Variants in NOXA1 observed in about 807,000 individuals in gnomAD.
The protein encoded by NOXA1 is NADPH oxidase activator 1, also known as NCF2-like protein.
A neutral mutation model predicts 64.8 loss-of-function variants in NOXA1; 56 were observed. The ratio of observed to expected loss-of-function variants is 0.86; its 90% CI spans 0.70 to 1.08. The LOEUF (loss-of-function observed/expected upper bound fraction) is 1.08, where lower values mean the gene tolerates loss of function less well. Among genes scored for constraint, NOXA1 ranks in the 50% least tolerant of loss-of-function variants. The pLI, the probability that NOXA1 is intolerant of heterozygous loss-of-function variation, is 0.00. For missense variants in NOXA1, 668 were observed against 658.5 expected (o/e 1.01, Z -0.16); for synonymous variants, 295 against 294.8 (o/e 1.00, Z -0.01).
rs560999512 is a variant in NOXA1 at position 137,431,130 on chromosome 9, G to A, written c.698+30G>A. On this transcript the variant is annotated intron_variant, in intron 7 of 13. Transcript: ENST00000683555. This position sits in a 1 kb window ranked among gnomAD's most constrained non-coding sequence, Gnocchi z 5.6. ...GAGGGGCTGACTGGGCCCTGCGAGC[G>A]CGTGCCTTTCCTGCTGGGCAGAGGC... is the stretch of plus-strand genomic sequence containing the variant. 3.7e-5 allele frequency: 59 copies of A among 1,612,860 alleles called. No homozygotes were observed. The highest frequency in any genetic ancestry group is 4.7e-5 in the Non-Finnish European group (55 of 1,179,852).
intron 1 of NOXA1, among the ~76,000 whole-genome samples, chr9:137,424,134 GGTGCCCTTCTC>G (rs1050010877): frequency 8.5e-5 from 13 of 152,144 alleles, no homozygotes. Context: ...CACGGAGCCC[GGTGCCCTTCTC>G]GTGCCCCCTC....
At position 137,433,743 on chromosome 9, in the gene NOXA1, T is replaced by C. The variant is rs1386127465; in HGVS notation, c.1065-7T>C. On this transcript the variant is annotated splice_region_variant and splice_polypyrimidine_tract_variant and intron_variant, in intron 11 of 13. Coordinates refer to ENST00000683555, the MANE Select transcript of NOXA1 (RefSeq NM_001256067.2). The stretch of plus-strand genomic sequence containing the variant: ...CAGGAGGCCCCCTCTGAGGAATCTC[T>C]TTGCAGTTACCTAGCCCCAGGTGAG... 1 of 1,461,334 alleles carries C rather than the reference T, an allele frequency of 6.8e-7. No individual in the cohort carries two copies. The highest frequency in any genetic ancestry group is 2.6e-5 in the Admixed American group (1 of 38,246). The allele number at this position is 1,461,334 out of a possible 1,614,324, so 90.5% of individuals were successfully genotyped here. A position where few individuals can be genotyped will look rare whatever the true frequency, so the allele number is the denominator to read the frequency against.
Position 137,429,024 on chromosome 9 carries a change from G to A in NOXA1, c.504+8G>A. 1 of 1,540,316 alleles carries A rather than the reference G, an allele frequency of 6.5e-7. No homozygotes were observed. The highest frequency in any genetic ancestry group is 1.2e-5 in the South Asian group (1 of 80,626). ...GCCCTGGACCAAGTGCAGGTGAGGA[G>A]TGCCAGCCCGGTCATGGTTTTGGGC... On this transcript the variant is annotated splice_region_variant and intron_variant, in intron 4 of 13. Transcript: ENST00000683555.
chr9:137,427,995 C>G (rs1838911016), intron 2 of NOXA1, 38 bp from the exon 3 acceptor site: 3 of 1,423,172 alleles, frequency 2.1e-6, no homozygotes, highest in Admixed American at 2.0e-5. Context: ...AGCCCCATCT[C>G]CGCCCTGTGC....
rs373942305 is a variant in NOXA1, at chr9:137,433,107, T to C, written c.850+33T>C. ...CGTCCTCAGCGGCGGGGTCCCCGGG[T>C]GAAGGAGGAAGCTGCTGGTGCATGG... On this transcript the variant is annotated intron_variant, in intron 9 of 13. Coordinates refer to ENST00000683555, the MANE Select transcript of NOXA1 (RefSeq NM_001256067.2). The C allele has an allele frequency of 2.1e-4, 343 of 1,611,830 alleles. 1 individual carries two copies. The highest frequency in any genetic ancestry group is 1.8e-3 in the Middle Eastern group (11 of 5,950).
intron 4 of NOXA1, 28 bp downstream of exon 4, chr9:137,429,044 T>G: frequency 2.6e-6 from 4 of 1,512,634 alleles, no homozygotes; most frequent in Non-Finnish European, 3.5e-6. Flanking sequence ...GGTCATGGTT[T>G]TGGGCTGGTG....
intron 3 of NOXA1, 67 bp from the exon 4 acceptor site, chr9:137,428,815 T>C: frequency 8.3e-7 from 1 of 1,207,298 alleles, no homozygotes; most frequent in Non-Finnish European, 1.0e-6. Context: ...AGGAGCTGGG[T>C]GGGGGAACCG....
At chr9:137,430,874 G>T in intron 6 of NOXA1, 31 bp downstream of exon 6, 1 of 1,561,660 alleles carries the variant, frequency 6.4e-7, no homozygotes. Flanking sequence ...ACCCCTGCCT[G>T]GCCTCACCCA....
rs1839226282 is a variant in NOXA1, at chr9:137,433,698, C to T, written c.1065-52C>T. The T allele has an allele frequency of 1.0e-5, 15 of 1,492,256 alleles. No individual in the cohort carries two copies. In the South Asian group the frequency reaches 1.6e-4, roughly 15 times the overall value. 92.4% of individuals were successfully genotyped at this position (1,492,256 alleles called of 1,614,324 possible). ...GAAGAGGGGGTGGCAGAGGTCACTG[C>T]CCTCCCTGCAGGCCCCACCCAGGAG... On this transcript the variant is annotated intron_variant, in intron 11 of 13. Coordinates refer to ENST00000683555, the MANE Select transcript of NOXA1 (RefSeq NM_001256067.2).
At chr9:137,424,808 A>G (rs566780677) in intron 1 of NOXA1, among the ~76,000 whole-genome samples, 3 of 152,352 alleles carry the variant, frequency 2.0e-5, no homozygotes, top group Non-Finnish European at 4.4e-5. Flanking sequence ...TGGTTCAGCA[A>G]CAAATCCTAT....
At position 137,431,299 on chromosome 9, in the gene NOXA1, G is replaced by A; in HGVS notation, c.762G>A (p.Glu254=). 6.2e-7 allele frequency: 1 copy of A among 1,612,138 alleles called. No individual in the cohort carries two copies. Among genetic ancestry groups the A allele is most frequent in the Non-Finnish European group, 8.5e-7 (1 of 1,179,952 alleles). ...AGGGCCCCCTCGATGCAGAGACAGA[G>A]GTCGGTGCTGACCGCTGCACGTCGA... ...THQGPLDAET[E]VGADRCTSTA... Residue 254 remains glutamate, a synonymous_variant, in exon 8 of 14, where the codon GAG becomes GAA. Transcript: ENST00000683555. The surrounding 1 kb of genome is among the most constrained non-coding windows in gnomAD (Gnocchi z 5.6).
intron 1 of NOXA1, among the ~76,000 whole-genome samples, chr9:137,425,871 CAA>C (rs577104589): frequency 1.7e-4 from 18 of 108,230 alleles, no homozygotes; most frequent in Admixed American, 1.9e-4. Flanking sequence ...GACCCCGTCT[CAA>C]AAAAAAAAAA....
rs547322075 is a variant in NOXA1 at position 137,427,944 on chromosome 9, G to C, written c.261-89G>C. Reference sequence around the variant, plus strand: ...AGGTCTCCTTGGAACCAGGTGTTGGGGGCGGCTCGAGCGGGGCTGGTGTGA... The same window carrying C: ...AGGTCTCCTTGGAACCAGGTGTTGGCGGCGGCTCGAGCGGGGCTGGTGTGA... On this transcript the variant is annotated intron_variant, in intron 2 of 13. Transcript: ENST00000683555. The C allele has an allele frequency of 8.6e-5, 72 of 839,910 alleles. 1 individual carries two copies. In the South Asian group the frequency reaches 1.1e-3, roughly 12 times the overall value. 52.0% of individuals were successfully genotyped at this position (839,910 alleles called of 1,614,324 possible). A position where few individuals can be genotyped will look rare whatever the true frequency, so the allele number is the denominator to read the frequency against.
In NOXA1 at chr9:137,431,466, G is replaced by A. The variant is rs560523980; in HGVS notation, c.804+125G>A. ...AGCTCGCTGGGGGGTAGACGGGGCC[G>A]GGCTCACCCGTGGTCCTGGCCCAGC... On this transcript the variant is annotated intron_variant, in intron 8 of 13. Coordinates refer to ENST00000683555, the MANE Select transcript of NOXA1 (RefSeq NM_001256067.2). This position sits in a 1 kb window ranked among gnomAD's most constrained non-coding sequence, Gnocchi z 5.6. The A allele has an allele frequency of 4.0e-5, 32 of 790,972 alleles. 1 individual carries two copies. The highest frequency in any genetic ancestry group is 3.6e-4 in the South Asian group (22 of 61,096). The allele number at this position is 790,972 out of a possible 1,614,324, so 49.0% of individuals were successfully genotyped here.
rs1376907194 is a variant in NOXA1, at chr9:137,433,958, G to C, written c.1180-7G>C. ...GGCCCGACCTGCAGCCCACTCTCCTGCCTCAGGGAGCCGGGGGTCGGCCGG... is the reference window on the plus strand; with the variant it reads ...GGCCCGACCTGCAGCCCACTCTCCTCCCTCAGGGAGCCGGGGGTCGGCCGG... On this transcript the variant is annotated splice_region_variant and splice_polypyrimidine_tract_variant and intron_variant, in intron 12 of 13. Transcript: ENST00000683555. 1.2e-5 allele frequency: 18 copies of C among 1,542,180 alleles called. No homozygotes were observed. In the Admixed American group the frequency reaches 3.4e-4, roughly 29 times the overall value.
At chr9:137,433,003 C>T in intron 8 of NOXA1, 26 bp from the exon 9 acceptor site, 2 of 1,611,870 alleles carry the variant, frequency 1.2e-6, no homozygotes, top group East Asian at 4.5e-5. Flanking sequence ...CCGCCCCAGC[C>T]CACCCAGCCT....
At chr9:137,429,504 G>GC in intron 5 of NOXA1, 121 bp downstream of exon 5, 3 of 698,010 alleles carry the variant, frequency 4.3e-6, no homozygotes, top group Non-Finnish European at 7.1e-6. Flanking sequence ...TAGAGAGTGG[G>GC]CCCACAGCCA....
rs200793364 is a variant in NOXA1 at position 137,433,818 on chromosome 9, G to A, written c.1133G>A (p.Trp378Ter). The change falls in exon 12 of 14, where the codon TGG (tryptophan) becomes TAG (stop). Residue 378 changes from tryptophan to a stop codon, truncating the protein, a stop_gained. Coordinates refer to ENST00000683555, the MANE Select transcript of NOXA1 (RefSeq NM_001256067.2). LOFTEE classifies it high-confidence loss of function. Reference sequence around the variant, plus strand: ...GAGGAGGAGTCGCTGCAGAGGGCCTGGCAGGACGCAGCTGCCTGCCCCAGG... The same window carrying A: ...GAGGAGGAGTCGCTGCAGAGGGCCTAGCAGGACGCAGCTGCCTGCCCCAGG... ...IPEEESLQRA[W>*]QDAAACPRGL... 1 of 1,452,716 alleles carries A rather than the reference G, an allele frequency of 6.9e-7. No individual in the cohort carries two copies. Among genetic ancestry groups the A allele is most frequent in the Admixed American group, 2.8e-5 (1 of 35,434 alleles). The allele number at this position is 1,452,716 out of a possible 1,614,324, so 90.0% of individuals were successfully genotyped here. A position where few individuals can be genotyped will look rare whatever the true frequency, so the allele number is the denominator to read the frequency against.
intron 2 of NOXA1, among the ~76,000 whole-genome samples, chr9:137,427,246 C>T (rs995936328): frequency 2.6e-5 from 4 of 152,118 alleles, no homozygotes; most frequent in South Asian, 2.1e-4. Context: ...GTGAGAACTA[C>T]GAGCAGATGA....
Sources: gnomAD v4.1 joint callset for allele counts (sites outside exome capture counted in the v4.1 genomes callset) on GRCh38, gnomAD v4.1.1 for gene constraint, Gnocchi (gnomAD v3.1) non-coding constraint, MANE v1.5 for transcripts, NCBI Gene and HGNC (gene_info 2026-07-23, HGNC 2026-07-21) for gene names.